The following SLC38A9 variants were observed in gnomAD, a reference collection of about 807,000 sequenced individuals.
SLC38A9 encodes the protein solute carrier family 38 member 9.
Under a neutral mutation model 62.3 loss-of-function variants are expected in SLC38A9, and 48 were observed. That is an observed-to-expected ratio of 0.77 (90% confidence interval 0.61 to 0.98). The LOEUF (loss-of-function observed/expected upper bound fraction) is 0.98, where lower values mean the gene tolerates loss of function less well. Ranked by LOEUF, SLC38A9 falls within the 50% of genes least tolerant of loss-of-function variation. The pLI, the probability that SLC38A9 is intolerant of heterozygous loss-of-function variation, is 0.00. For missense variants in SLC38A9, 541 were observed against 679.8 expected, an observed-to-expected ratio of 0.80 and a Z score of 2.27; for synonymous variants, 204 against 227.7, an observed-to-expected ratio of 0.90 and a Z score of 0.94.
Position 55,645,803 on chromosome 5 carries a change from T to C in SLC38A9, c.1153A>G (p.Lys385Glu), listed in dbSNP as rs1282684784. Residue 385 changes from lysine (K) to glutamate (E), a missense_variant, in exon 12 of 16, where the codon AAA becomes GAA. Coordinates refer to ENST00000396865, the MANE Select transcript of SLC38A9 (RefSeq NM_173514.4). ...CIITLLKNNK[K>E]QENNVRDLCI... ...TAATTACTCACATTGTTTTCTTGTT[T>C]CTTGTTGTTCTTCAAGAGTGTGATG... 6 of 1,604,580 alleles carry C rather than the reference T, an allele frequency of 3.7e-6. No individual in the cohort carries two copies. Among genetic ancestry groups the C allele is most frequent in the Non-Finnish European group, 5.1e-6 (6 of 1,174,052 alleles).
chr5:55,693,688 C>T (rs1755043881), intron 3 of SLC38A9, among the ~76,000 whole-genome samples: 1 of 152,138 alleles, frequency 6.6e-6, no homozygotes, highest in African/African-American at 2.4e-5. Context: ...CTTTTTATTA[C>T]ATCATATTTT....
At chr5:55,658,252 C>G (rs1198217243) in intron 8 of SLC38A9, among the ~76,000 whole-genome samples, 1 of 152,186 alleles carries the variant, frequency 6.6e-6, no homozygotes, top group Non-Finnish European at 1.5e-5. Flanking sequence ...CTCCCAGGTT[C>G]AAGAAATTCT....
chr5:55,681,793 A>T (rs2408200), intron 3 of SLC38A9, among the ~76,000 whole-genome samples: 1 of 151,982 alleles, frequency 6.6e-6, no homozygotes, highest in East Asian at 1.9e-4. Flanking sequence ...GGGTCGGTAC[A>T]CTATGGCCTG....
chr5:55,669,766 T>C lies in SLC38A9; in HGVS notation c.360A>G (p.Leu120=). The change falls in exon 5 of 16, where the codon TTA becomes TTG. Residue 120 remains leucine, a synonymous_variant. Coordinates refer to ENST00000396865, the MANE Select transcript of SLC38A9 (RefSeq NM_173514.4). The part of the protein sequence containing the change: ...YTEGYGKNTS[L]VTIFMIWNTM... ...AAAGCAGTTTCACTCACATGGTTACTAAACTGGTGTTTTTACCGTATCCTT... is the reference window on the plus strand; with the variant it reads ...AAAGCAGTTTCACTCACATGGTTACCAAACTGGTGTTTTTACCGTATCCTT... 1 of 1,613,480 alleles carries C rather than the reference T, an allele frequency of 6.2e-7. No individual in the cohort carries two copies. Among genetic ancestry groups the C allele is most frequent in the South Asian group, 1.1e-5 (1 of 90,932 alleles).
At chr5:55,645,524 T>C (rs903923444) in intron 12 of SLC38A9, among the ~76,000 whole-genome samples, 8 of 152,236 alleles carry the variant, frequency 5.3e-5, no homozygotes, top group African/African-American at 1.9e-4. Context: ...CATTTGTTTA[T>C]GTATTATCTA....
intron 14 of SLC38A9, among the ~76,000 whole-genome samples, chr5:55,628,587 A>G (rs936347030): frequency 6.6e-6 from 1 of 152,174 alleles, no homozygotes; most frequent in Non-Finnish European, 1.5e-5. Context: ...TATTTAACAA[A>G]CTTTTCATAA....
At chr5:55,705,439 CAA>C (rs67490309) in intron 2 of SLC38A9, among the ~76,000 whole-genome samples, 1 of 125,638 alleles carries the variant, frequency 8.0e-6, no homozygotes, top group Non-Finnish European at 1.7e-5. Flanking sequence ...CTTCATATTA[CAA>C]AAAAAAAAAA....
rs1742395332 is a variant in SLC38A9, at chr5:55,626,239, C to T, written c.*255G>A. ...TGATTTCTTCCTAGGGCATACATTT[C>T]TATTCAGAAAAGACCACAGAATAAA... is the stretch of plus-strand genomic sequence containing the variant. On this transcript the variant is annotated 3_prime_UTR_variant, in exon 16 of 16. Transcript: ENST00000396865. The T allele has an allele frequency of 3.4e-6, 1 of 294,446 alleles. No homozygotes were observed. The highest frequency in any genetic ancestry group is 2.2e-5 in the African/African-American group (1 of 46,490). The allele number at this position is 294,446 out of a possible 1,614,324, so 18.2% of individuals were successfully genotyped here.
chr5:55,671,675 G>A (rs1168179700), intron 4 of SLC38A9, among the ~76,000 whole-genome samples: 8 of 151,822 alleles, frequency 5.3e-5, no homozygotes, highest in African/African-American at 1.7e-4. Context: ...TGGTGAAACC[G>A]TGTCTCTACT....
At chr5:55,666,094 G>A (rs1037136905) in intron 7 of SLC38A9, among the ~76,000 whole-genome samples, 6 of 152,096 alleles carry the variant, frequency 3.9e-5, no homozygotes, top group African/African-American at 1.4e-4. Context: ...CAATCATTAA[G>A]AGACACAAAT....
intron 3 of SLC38A9, among the ~76,000 whole-genome samples, chr5:55,678,137 G>GGTTTTT (rs1170494870): frequency 0.043 from 3,849 of 88,814 alleles, 74 homozygotes; most frequent in South Asian, 0.081. Context: ...CAAGGTTACT[G>GGTTTTT]GTTTTTTTTT....
intron 3 of SLC38A9, among the ~76,000 whole-genome samples, chr5:55,678,645 C>CTT (rs869297949): frequency 0.026 from 1,155 of 44,948 alleles, 301 homozygotes; most frequent in Non-Finnish European, 0.037. Context: ...CTGAAATGAA[C>CTT]TTTTTTTTTT....
rs752076098 is a variant in SLC38A9 at position 55,626,396 on chromosome 5, G to C, written c.*98C>G. On this transcript the variant is annotated 3_prime_UTR_variant, in exon 16 of 16. Transcript: ENST00000396865. Reference sequence around the variant, plus strand: ...TTCAAATTATCTTAGAAAATATTTAGAATTACACAACAGCAGCATTTACAA... The same window carrying C: ...TTCAAATTATCTTAGAAAATATTTACAATTACACAACAGCAGCATTTACAA... The C allele has an allele frequency of 8.7e-6, 9 of 1,033,564 alleles. No individual in the cohort carries two copies. The highest frequency in any genetic ancestry group is 1.3e-5 in the Non-Finnish European group (9 of 714,992). 64.0% of individuals were successfully genotyped at this position (1,033,564 alleles called of 1,614,324 possible). A position where few individuals can be genotyped will look rare whatever the true frequency, so the allele number is the denominator to read the frequency against.
chr5:55,677,217 T>TA (rs1465052243), intron 3 of SLC38A9, among the ~76,000 whole-genome samples: 4 of 152,216 alleles, frequency 2.6e-5, no homozygotes, highest in Non-Finnish European at 5.9e-5. Context: ...ATACTCAACA[T>TA]ACTTCAAATG....
At chr5:55,635,446 G>C in intron 13 of SLC38A9, 98 bp downstream of exon 13, 1 of 848,236 alleles carries the variant, frequency 1.2e-6, no homozygotes, top group Non-Finnish European at 2.0e-6. Flanking sequence ...TTAAAACCCA[G>C]GCCTATCTGA....
intron 9 of SLC38A9, among the ~76,000 whole-genome samples, chr5:55,655,488 A>G (rs1480308288): frequency 6.6e-6 from 1 of 152,224 alleles, no homozygotes; most frequent in Non-Finnish European, 1.5e-5. Flanking sequence ...AATAGGGCAC[A>G]AGAGATTTTA....
chr5:55,627,633 T>C (rs540532901), intron 15 of SLC38A9, among the ~76,000 whole-genome samples: 9 of 151,732 alleles, frequency 5.9e-5, no homozygotes, highest in Middle Eastern at 3.4e-3. Flanking sequence ...AAGTGGAAGA[T>C]GATGAGAGAA....
At position 55,652,538 on chromosome 5, in the gene SLC38A9, T is replaced by C; in HGVS notation, c.943A>G (p.Asn315Asp). 2.5e-6 allele frequency: 4 copies of C among 1,599,006 alleles called. No individual in the cohort carries two copies. Among genetic ancestry groups the C allele is most frequent in the Non-Finnish European group, 3.4e-6 (4 of 1,172,280 alleles). The change falls in exon 10 of 16, where the codon AAT (asparagine) becomes GAT (aspartate). Residue 315 changes from asparagine (N) to aspartate (D), a missense_variant. Transcript: ENST00000396865. ...CAGTGCTACTACTTACCTAGGATAT[T>C]AAATTTTGAAAAAAATGAAGGAGAC... The part of the protein sequence containing the change: ...FKSPSFFSKF[N>D]ILGTVSVLYL...
chr5:55,660,395 GA>G (rs1273773295), intron 8 of SLC38A9, among the ~76,000 whole-genome samples: 1 of 152,132 alleles, frequency 6.6e-6, no homozygotes, highest in Non-Finnish European at 1.5e-5. Flanking sequence ...GAGCCTGGGT[GA>G]AAGAGTGAAA....
Sources: gnomAD v4.1 joint callset for allele counts (sites outside exome capture counted in the v4.1 genomes callset) on GRCh38, gnomAD v4.1.1 for gene constraint, MANE v1.5 for transcripts, NCBI Gene and HGNC (gene_info 2026-07-23, HGNC 2026-07-21) for gene names.